Variants in DIAPH2 observed in about 807,000 individuals in gnomAD.
DIAPH2 encodes diaphanous related formin 2, also known as protein diaphanous homolog 2.
Under a neutral mutation model 92.7 loss-of-function variants are expected in DIAPH2, and 35 were observed. The observed-to-expected ratio is 0.38, with a 90% CI of 0.29 to 0.50. The LOEUF is 0.50. Ranked by LOEUF, DIAPH2 falls within the 20% of genes least tolerant of loss-of-function variation. The pLI is 0.94. For missense variants in DIAPH2, 701 were observed against 819.5 expected, an observed-to-expected ratio of 0.86 and a Z score of 1.77; for synonymous variants, 301 against 280.4, an observed-to-expected ratio of 1.07 and a Z score of -0.73.
chrX:97,422,237 C>T (rs767434015), intron 25 of DIAPH2, among the ~76,000 whole-genome samples: 20 of 110,470 alleles, frequency 1.8e-4, no homozygotes, highest in Non-Finnish European at 3.8e-4. Context: ...TGTATGTGCA[C>T]TAGGAGTTCA....
intron 22 of DIAPH2, among the ~76,000 whole-genome samples, chrX:97,218,392 G>C (rs769352811): frequency 8.9e-6 from 1 of 111,967 alleles, no homozygotes; most frequent in South Asian, 3.8e-4. Context: ...GCCCAGCCAG[G>C]ACATGCTTTT....
At chrX:97,380,063 C>CT (rs201570876) in intron 24 of DIAPH2, among the ~76,000 whole-genome samples, 20 of 107,436 alleles carry the variant, frequency 1.9e-4, no homozygotes, top group Middle Eastern at 4.9e-3. Context: ...AATTTATTCA[C>CT]TTTTTTTTTC....
chrX:97,099,577 T>C, intron 19 of DIAPH2, 117 bp from the exon 20 acceptor site: 1 of 432,178 alleles, frequency 2.3e-6, no homozygotes. Flanking sequence ...TCTGGTACCA[T>C]AACAGAACCA....
chrX:96,728,131 G>A (rs2064032872), intron 1 of DIAPH2, among the ~76,000 whole-genome samples: 1 of 111,126 alleles, frequency 9.0e-6, no homozygotes, highest in African/African-American at 3.3e-5. Flanking sequence ...AGATAAGACA[G>A]GAGGATAGTG....
At chrX:97,501,571 T>C (rs1248956940) in intron 26 of DIAPH2, among the ~76,000 whole-genome samples, 1 of 111,699 alleles carries the variant, frequency 9.0e-6, no homozygotes. Flanking sequence ...TTTCTTACTA[T>C]ATACTAAAAT....
chrX:96,742,587 C>T (rs77948975), intron 3 of DIAPH2, among the ~76,000 whole-genome samples: 10,660 of 111,071 alleles, frequency 0.096, 509 homozygotes, highest in East Asian at 0.32. Context: ...ATTCTCTTTC[C>T]GCTAGCTCAC....
chrX:97,589,581 C>T (rs1340072942), intron 26 of DIAPH2, among the ~76,000 whole-genome samples: 3 of 110,744 alleles, frequency 2.7e-5, no homozygotes, highest in Admixed American at 9.7e-5. Flanking sequence ...TTTGTCTAAT[C>T]CCATGATGGA....
intron 17 of DIAPH2, among the ~76,000 whole-genome samples, chrX:97,039,545 A>G (rs2066434395): frequency 9.0e-6 from 1 of 111,421 alleles, no homozygotes; most frequent in Non-Finnish European, 1.9e-5. Flanking sequence ...AAATTATACA[A>G]GTGGTGCTAT....
intron 4 of DIAPH2, among the ~76,000 whole-genome samples, chrX:96,835,005 T>C (rs2064878022): frequency 8.9e-6 from 1 of 112,070 alleles, no homozygotes; most frequent in Non-Finnish European, 1.9e-5. Context: ...GTTTTTGTTA[T>C]TTACTCAACA....
chrX:97,441,775 C>T (rs1368636621), intron 26 of DIAPH2, among the ~76,000 whole-genome samples: 2 of 112,839 alleles, frequency 1.8e-5, no homozygotes, highest in Non-Finnish European at 3.7e-5. Flanking sequence ...GATCGTGCCA[C>T]TGCACTCCAG....
At chrX:97,349,032 G>A (rs748648896) in intron 24 of DIAPH2, among the ~76,000 whole-genome samples, 2 of 101,058 alleles carry the variant, frequency 2.0e-5, no homozygotes, top group Non-Finnish European at 4.0e-5. Flanking sequence ...GTATATATAT[G>A]TGTGTATATA....
chrX:96,782,277 TTTTG>T lies in DIAPH2; in HGVS notation c.447+24047_447+24050del, dbSNP rs562358550. On this transcript the variant is annotated intron_variant, in intron 4 of 26. Coordinates refer to ENST00000324765, the MANE Select transcript of DIAPH2 (RefSeq NM_006729.5). ...CCACACCCGGCCAATTGTTTTGTATTTTTGTTTGTTTGTTTGTTTGTTTGTTTGT... is the reference window on the plus strand; with the variant it reads ...CCACACCCGGCCAATTGTTTTGTATTTTTGTTTGTTTGTTTGTTTGTTTGT... Among the ~76,000 whole-genome samples the T allele has an allele frequency of 2.2e-3, 237 of 109,839 alleles. 1 individual carries two copies. The highest frequency in any genetic ancestry group is 2.3e-3 in the African/African-American group (69 of 30,184).
At chrX:97,413,712 G>C (rs1015607797) in intron 25 of DIAPH2, among the ~76,000 whole-genome samples, 17 of 111,914 alleles carry the variant, frequency 1.5e-4, no homozygotes, top group Non-Finnish European at 2.8e-4. Flanking sequence ...TTTCAGGATA[G>C]AAAATCAATG....
chrX:97,029,203 A>G (rs1353720180), intron 17 of DIAPH2, among the ~76,000 whole-genome samples: 8 of 102,453 alleles, frequency 7.8e-5, no homozygotes, highest in Non-Finnish European at 1.4e-4. Flanking sequence ...GCTGGAGTGC[A>G]GTGGCACAAC....
chrX:96,828,782 C>T (rs2064831380), intron 4 of DIAPH2, among the ~76,000 whole-genome samples: 1 of 111,644 alleles, frequency 9.0e-6, no homozygotes, highest in South Asian at 3.7e-4. Context: ...GTAAGCAAGC[C>T]ATATACATTT....
At position 96,700,106 on chromosome X, in the gene DIAPH2, T is replaced by C. The variant is rs140861316; in HGVS notation, c.132+14916T>C. On this transcript the variant is annotated intron_variant, in intron 1 of 26. Coordinates refer to ENST00000324765, the MANE Select transcript of DIAPH2 (RefSeq NM_006729.5). ...TCACTGCAGCCTCGACCTCCCTGGCTCAAGCCATCCTCCCACCTCAGCCTC... is the reference window on the plus strand; with the variant it reads ...TCACTGCAGCCTCGACCTCCCTGGCCCAAGCCATCCTCCCACCTCAGCCTC... 8.5e-3 allele frequency among the ~76,000 whole-genome samples: 950 copies of C among 112,055 alleles called. 3 individuals carry two copies. Among genetic ancestry groups the C allele is most frequent in the African/African-American group, 0.03 (916 of 30,799 alleles).
At chrX:97,438,031 A>G (rs140477701) in intron 26 of DIAPH2, among the ~76,000 whole-genome samples, 2,189 of 107,547 alleles carry the variant, frequency 0.02, 51 homozygotes, top group African/African-American at 0.071. Flanking sequence ...CTGGGCATGG[A>G]GGCACGTGCC....
At chrX:97,286,252 T>G (rs758287499) in intron 23 of DIAPH2, among the ~76,000 whole-genome samples, 3 of 108,132 alleles carry the variant, frequency 2.8e-5, no homozygotes, top group Non-Finnish European at 5.7e-5. Flanking sequence ...GGTTTTACCA[T>G]GTTGGCCACG....
intron 23 of DIAPH2, among the ~76,000 whole-genome samples, chrX:97,347,341 G>A (rs1266427767): frequency 9.2e-6 from 1 of 108,913 alleles, no homozygotes; most frequent in African/African-American, 3.3e-5. Context: ...TGCTCACCTT[G>A]GCCTCCCAAA....
Sources: allele counts gnomAD v4.1 joint callset (sites outside exome capture counted in the v4.1 genomes callset), GRCh38; gene constraint gnomAD v4.1.1; transcripts MANE v1.5; gene names NCBI Gene and HGNC (gene_info 2026-07-23, HGNC 2026-07-21).